The following PHACTR1 variants were observed in gnomAD, a reference collection of about 807,000 sequenced individuals.
The protein encoded by PHACTR1 is RPEL repeat containing 1.
A neutral mutation model predicts 69.2 loss-of-function variants in PHACTR1; 16 were observed. That is an observed-to-expected ratio of 0.23 (90% CI 0.16 to 0.35). The LOEUF (loss-of-function observed/expected upper bound fraction) is 0.35, where lower values mean the gene tolerates loss of function less well. Ranked by LOEUF, PHACTR1 falls within the 10% of genes least tolerant of loss-of-function variation. The probability of loss-of-function intolerance (pLI) is 1.00; values close to 1 mark genes in which losing one functional copy is unlikely to be tolerated. For missense variants in PHACTR1, 510 were observed against 734.7 expected (o/e 0.69, Z 3.54); for synonymous variants, 312 against 284.5 (o/e 1.10, Z -0.97).
At chr6:12,797,806 A>G (rs1312471951) in intron 4 of PHACTR1, among the ~76,000 whole-genome samples, 1 of 152,076 alleles carries the variant, frequency 6.6e-6, no homozygotes, top group Non-Finnish European at 1.5e-5. Context: ...TACATAGAAC[A>G]CTTCTTCCTT....
intron 5 of PHACTR1, among the ~76,000 whole-genome samples, chr6:13,119,014 A>T (rs1042191216): frequency 1.3e-5 from 2 of 152,158 alleles, no homozygotes; most frequent in African/African-American, 4.8e-5. Flanking sequence ...ATAGACCCTG[A>T]ACAAAGGTTT....
At chr6:13,079,172 C>T (rs1264158700) in intron 5 of PHACTR1, among the ~76,000 whole-genome samples, 4 of 152,158 alleles carry the variant, frequency 2.6e-5, no homozygotes, top group African/African-American at 7.2e-5. Flanking sequence ...ATCATGATCA[C>T]GGCTCTTCCT....
At chr6:13,140,867 C>T (rs1250177555) in intron 5 of PHACTR1, among the ~76,000 whole-genome samples, 2 of 152,128 alleles carry the variant, frequency 1.3e-5, no homozygotes, top group Non-Finnish European at 1.5e-5. Flanking sequence ...TGACAGAGTC[C>T]AGACAAACTT....
intron 5 of PHACTR1, among the ~76,000 whole-genome samples, chr6:13,158,676 G>A (rs375922141): frequency 2.0e-5 from 3 of 152,126 alleles, no homozygotes; most frequent in African/African-American, 4.8e-5. Context: ...GTCCCACCCC[G>A]GACCTATGAA....
chr6:13,067,875 C>G (rs1411432451), intron 5 of PHACTR1, among the ~76,000 whole-genome samples: 1 of 152,098 alleles, frequency 6.6e-6, no homozygotes, highest in East Asian at 1.9e-4. Context: ...TGTGTGGCTA[C>G]TTACTTCTAA....
chr6:12,843,471 G>T (rs925335034), intron 4 of PHACTR1, among the ~76,000 whole-genome samples: 16 of 152,182 alleles, frequency 1.1e-4, no homozygotes, highest in Admixed American at 6.5e-5. Flanking sequence ...ACGTGTGTGT[G>T]TATAGACAGA....
At chr6:13,075,570 G>A (rs1269610192) in intron 5 of PHACTR1, among the ~76,000 whole-genome samples, 1 of 152,152 alleles carries the variant, frequency 6.6e-6, no homozygotes. Flanking sequence ...TTTTCTCCAT[G>A]CAGAATTTGC....
intron 4 of PHACTR1, among the ~76,000 whole-genome samples, chr6:13,039,636 A>G (rs1419794746): frequency 6.6e-6 from 1 of 152,220 alleles, no homozygotes; most frequent in East Asian, 1.9e-4. Context: ...GGTCCTCACA[A>G]TTCTGACTTG....
At chr6:12,781,434 G>A (rs1770805846) in intron 4 of PHACTR1, among the ~76,000 whole-genome samples, 1 of 152,198 alleles carries the variant, frequency 6.6e-6, no homozygotes, top group African/African-American at 2.4e-5. Context: ...TGGTCATAAG[G>A]AAGTGTTTGC....
chr6:12,738,812 C>G (rs921331974), intron 3 of PHACTR1, among the ~76,000 whole-genome samples: 2 of 152,182 alleles, frequency 1.3e-5, no homozygotes, highest in Admixed American at 6.5e-5. Flanking sequence ...TTGCAGTGAG[C>G]CGAGATCACG....
At chr6:13,259,902 A>G (rs1775676478) in intron 10 of PHACTR1, among the ~76,000 whole-genome samples, 1 of 152,198 alleles carries the variant, frequency 6.6e-6, no homozygotes, top group South Asian at 2.1e-4. Context: ...AATAGTATTA[A>G]GAGTTGTTCT....
At chr6:13,093,065 T>C (rs1813545989) in intron 5 of PHACTR1, among the ~76,000 whole-genome samples, 1 of 152,210 alleles carries the variant, frequency 6.6e-6, no homozygotes, top group South Asian at 2.1e-4. Context: ...GGGGAACTCT[T>C]CAGGGTCAGT....
At chr6:12,732,786 C>A (rs543055070) in intron 3 of PHACTR1, among the ~76,000 whole-genome samples, 7 of 152,110 alleles carry the variant, frequency 4.6e-5, no homozygotes, top group African/African-American at 1.7e-4. Flanking sequence ...TTCTTTTTAC[C>A]TTGAAGTAGT....
Position 13,090,641 on chromosome 6 carries a change from T to C in PHACTR1, c.415+37112T>C, listed in dbSNP as rs556128520. 7.2e-5 allele frequency among the ~76,000 whole-genome samples: 11 copies of C among 152,298 alleles called. No homozygotes were observed. In the East Asian group the frequency reaches 2.1e-3, roughly 29 times the overall value. ...CCCGGCCTAAAGTTGTTCATTTTTA[T>C]CCCTGCAAGTTTCCCTTCAGAGTAA... On this transcript the variant is annotated intron_variant, in intron 5 of 14. Coordinates refer to ENST00000332995, the MANE Select transcript of PHACTR1 (RefSeq NM_030948.6).
At chr6:12,921,181 C>A (rs1787613721) in intron 4 of PHACTR1, among the ~76,000 whole-genome samples, 1 of 152,186 alleles carries the variant, frequency 6.6e-6, no homozygotes, top group African/African-American at 2.4e-5. Context: ...TCACTCTATC[C>A]CTGCCCTGCC....
chr6:13,205,785 C>A, intron 7 of PHACTR1, 30 bp from the exon 8 acceptor site: 1 of 1,548,124 alleles, frequency 6.5e-7, no homozygotes. Flanking sequence ...CCCAAACTCA[C>A]ATCTGCCTCT....
intron 4 of PHACTR1, among the ~76,000 whole-genome samples, chr6:12,982,174 G>A (rs1001339948): frequency 2.0e-5 from 3 of 152,134 alleles, no homozygotes; most frequent in East Asian, 1.9e-4. Context: ...CTCATTCTTA[G>A]GCTTTCCTCA....
intron 5 of PHACTR1, among the ~76,000 whole-genome samples, chr6:13,064,547 GATATATATATAT>G (rs1195089569): frequency 1.3e-4 from 9 of 70,212 alleles, no homozygotes; most frequent in South Asian, 4.9e-4. Context: ...GAAGGGAAAA[GATATATATATAT>G]ATATATATAT....
intron 4 of PHACTR1, among the ~76,000 whole-genome samples, chr6:12,970,262 A>G (rs1794035206): frequency 1.3e-5 from 2 of 152,316 alleles, no homozygotes; most frequent in Non-Finnish European, 2.9e-5. Context: ...TCCTCACAAT[A>G]ATTAGCCAAC....
Sources: gnomAD v4.1 joint callset for allele counts (sites outside exome capture counted in the v4.1 genomes callset) on GRCh38, gnomAD v4.1.1 for gene constraint, MANE v1.5 for transcripts, NCBI Gene and HGNC (gene_info 2026-07-23, HGNC 2026-07-21) for gene names.